BMPR1B: variants seen among roughly 807,000 people sequenced by gnomAD.
BMPR1B encodes the protein bone morphogenetic protein receptor type 1B.
In BMPR1B, 12 loss-of-function variants were observed where a neutral mutation model predicts 59.1. The observed-to-expected ratio is 0.20, with a 90% CI of 0.13 to 0.33. The LOEUF is 0.33. Ranked by LOEUF, BMPR1B falls within the 10% of genes least tolerant of loss-of-function variation. The probability of loss-of-function intolerance (pLI) is 1.00; values close to 1 mark genes in which losing one functional copy is unlikely to be tolerated. For missense variants in BMPR1B, 550 were observed against 610.9 expected, an observed-to-expected ratio of 0.90 and a Z score of 1.05; for synonymous variants, 237 against 207.3, an observed-to-expected ratio of 1.14 and a Z score of -1.23.
intron 4 of BMPR1B, among the ~76,000 whole-genome samples, 190 bp downstream of exon 4, chr4:95,104,757 T>G (rs752601323): frequency 6.6e-6 from 1 of 152,098 alleles, no homozygotes; most frequent in Non-Finnish European, 1.5e-5. Flanking sequence ...TGTTCTAAGC[T>G]TCTTTTTGAT....
chr4:94,774,704 C>T (rs1722305462), intron 1 of BMPR1B, among the ~76,000 whole-genome samples: 1 of 152,072 alleles, frequency 6.6e-6, no homozygotes, highest in Admixed American at 6.6e-5. Flanking sequence ...TTCTTATGTA[C>T]TCTGCACTGT....
intron 1 of BMPR1B, among the ~76,000 whole-genome samples, chr4:94,787,989 G>T (rs1006625071): frequency 6.6e-6 from 1 of 152,070 alleles, no homozygotes; most frequent in African/African-American, 2.4e-5. Flanking sequence ...AACTCCGTGG[G>T]GTTCAATGTG....
chr4:94,774,913 G>T (rs1289260809), intron 1 of BMPR1B, among the ~76,000 whole-genome samples: 1 of 152,084 alleles, frequency 6.6e-6, no homozygotes, highest in East Asian at 1.9e-4. Context: ...TTTTCATAAT[G>T]GCGGAAATTT....
intron 3 of BMPR1B, among the ~76,000 whole-genome samples, chr4:95,016,057 A>G (rs1286902774): frequency 6.6e-6 from 1 of 151,392 alleles, no homozygotes; most frequent in Non-Finnish European, 1.5e-5. Context: ...GATATTGAGT[A>G]GATGTTTTTG....
chr4:94,801,772 A>G (rs944530703), intron 1 of BMPR1B, among the ~76,000 whole-genome samples: 2 of 152,202 alleles, frequency 1.3e-5, no homozygotes, highest in Non-Finnish European at 2.9e-5. Context: ...TAAGACAAAC[A>G]TGGGCTTAGG....
rs535148255 is a variant in BMPR1B at position 94,805,312 on chromosome 4, ACACT to A, written c.-183+47247_-183+47250del. 2.4e-3 allele frequency among the ~76,000 whole-genome samples: 372 copies of A among 152,308 alleles called. 1 individual carries two copies. The highest frequency in any genetic ancestry group is 7.9e-3 in the African/African-American group (330 of 41,572). On this transcript the variant is annotated intron_variant, in intron 1 of 12. Transcript: ENST00000515059. ...TGTTTTTGGTCAAAAGATTACACTG[ACACT>A]CAGGGAATCTGATTCCTTTTAAGAT...
At chr4:95,123,785 T>C (rs776826690) in intron 6 of BMPR1B, 25 bp from the exon 7 acceptor site, 2 of 1,505,932 alleles carry the variant, frequency 1.3e-6, no homozygotes, top group Non-Finnish European at 1.8e-6. Flanking sequence ...CTCTTGATTA[T>C]GGCTCTTTTT....
At chr4:94,762,013 A>G (rs1172177879) in intron 1 of BMPR1B, among the ~76,000 whole-genome samples, 3 of 152,210 alleles carry the variant, frequency 2.0e-5, no homozygotes, top group Non-Finnish European at 2.9e-5. Context: ...ATTTAGGAGT[A>G]GACAAAAAGG....
intron 8 of BMPR1B, among the ~76,000 whole-genome samples, chr4:95,129,631 T>C (rs912696053): frequency 5.3e-5 from 8 of 152,170 alleles, no homozygotes; most frequent in African/African-American, 1.9e-4. Context: ...ATAAAGTATT[T>C]CATAATTTGG....
intron 2 of BMPR1B, among the ~76,000 whole-genome samples, chr4:94,876,976 A>T (rs2148974554): frequency 6.6e-6 from 1 of 152,334 alleles, no homozygotes; most frequent in South Asian, 2.1e-4. Flanking sequence ...ATGGTAGCAT[A>T]ATTTTAATTA....
intron 2 of BMPR1B, among the ~76,000 whole-genome samples, chr4:94,976,933 C>T (rs567786926): frequency 5.3e-5 from 8 of 152,178 alleles, no homozygotes; most frequent in African/African-American, 4.8e-5. Flanking sequence ...ATTCTTTTTC[C>T]AAAAAACATG....
At chr4:94,803,274 G>A (rs1268606826) in intron 1 of BMPR1B, among the ~76,000 whole-genome samples, 1 of 152,098 alleles carries the variant, frequency 6.6e-6, no homozygotes, top group Admixed American at 6.6e-5. Context: ...GAAGCTTCCT[G>A]GCAAGATTTT....
chr4:94,994,488 A>G (rs549178238), intron 2 of BMPR1B, among the ~76,000 whole-genome samples: 2 of 152,186 alleles, frequency 1.3e-5, no homozygotes, highest in Non-Finnish European at 2.9e-5. Flanking sequence ...TCTTCTTGCT[A>G]CGTTGTTTTA....
rs1735503930 is a variant in BMPR1B at position 95,157,482 on chromosome 4, GCTTA to G, written c.*2812_*2815del. On this transcript the variant is annotated 3_prime_UTR_variant, in exon 13 of 13. Transcript: ENST00000515059. ...CCAGAAATTAATAATGTTGTTTATT[GCTTA>G]CTGTCAGGACTATTTCAAAGACTAA... The G allele has an allele frequency of 6.6e-6, 1 of 151,854 alleles. No individual in the cohort carries two copies. Among genetic ancestry groups the G allele is most frequent in the Non-Finnish European group, 1.5e-5 (1 of 67,920 alleles). The allele number at this position is 151,854 out of a possible 1,614,324, so 9.4% of individuals were successfully genotyped here.
At chr4:95,146,728 A>T (rs965521035) in intron 10 of BMPR1B, among the ~76,000 whole-genome samples, 2 of 152,212 alleles carry the variant, frequency 1.3e-5, no homozygotes, top group African/African-American at 4.8e-5. Flanking sequence ...ATGATTAAAA[A>T]TTAAAATTAG....
intron 2 of BMPR1B, among the ~76,000 whole-genome samples, chr4:94,974,455 T>G (rs1236252567): frequency 6.6e-6 from 1 of 152,138 alleles, no homozygotes; most frequent in Admixed American, 6.5e-5. Flanking sequence ...CATGTATCCC[T>G]CATTGCCTTC....
chr4:95,125,011 T>C lies in BMPR1B; in HGVS notation c.475T>C (p.Tyr159His), dbSNP rs1366100450. The stretch of plus-strand genomic sequence containing the variant: ...TAAAAGACAAGAAACCAGACCTCGA[T>C]ACAGCATTGGGTTAGAACAGGATGA... ...RYKRQETRPR[Y>H]SIGLEQDETY... The change falls in exon 8 of 13, where the codon TAC (tyrosine) becomes CAC (histidine). Residue 159 changes from tyrosine to histidine, a missense_variant. Physicochemically the swap from Tyr to His is moderately conservative, Grantham distance 83. Coordinates refer to ENST00000515059, the MANE Select transcript of BMPR1B (RefSeq NM_001203.3). 25 of 1,613,474 alleles carry C rather than the reference T, an allele frequency of 1.5e-5. No individual in the cohort carries two copies. The highest frequency in any genetic ancestry group is 2.1e-5 in the Non-Finnish European group (25 of 1,179,404).
chr4:94,957,198 G>A (rs1730171100), intron 2 of BMPR1B, among the ~76,000 whole-genome samples: 1 of 152,110 alleles, frequency 6.6e-6, no homozygotes, highest in South Asian at 2.1e-4. Flanking sequence ...CTGTGTTTGA[G>A]CATGCCTGTG....
intron 2 of BMPR1B, among the ~76,000 whole-genome samples, chr4:94,894,511 C>T (rs1727516389): frequency 6.6e-6 from 1 of 151,872 alleles, no homozygotes; most frequent in Non-Finnish European, 1.5e-5. Context: ...CATATAGTCT[C>T]AGGGCAATGT....
Sources: gnomAD v4.1 joint callset for allele counts (sites outside exome capture counted in the v4.1 genomes callset) on GRCh38, gnomAD v4.1.1 for gene constraint, MANE v1.5 for transcripts, NCBI Gene and HGNC (gene_info 2026-07-23, HGNC 2026-07-21) for gene names.